The following KCTD1 variants were observed in gnomAD, a reference collection of about 807,000 sequenced individuals.
KCTD1 encodes the protein potassium channel tetramerization domain containing 1.
A neutral mutation model predicts 66.0 loss-of-function variants in KCTD1; 24 were observed. That is an observed-to-expected ratio of 0.36 (90% CI 0.26 to 0.51). KCTD1 has a LOEUF of 0.51. KCTD1 is among the 20% of genes least tolerant of loss of function. The pLI, the probability that KCTD1 is intolerant of heterozygous loss-of-function variation, is 0.95. For synonymous variants in KCTD1, 511 were observed against 517.2 expected (o/e 0.99, Z 0.16); for missense variants, 943 against 1,205.2 (o/e 0.78, Z 3.22).
intron 3 of KCTD1, among the ~76,000 whole-genome samples, chr18:26,475,702 A>G (rs748733976): frequency 5.3e-5 from 8 of 152,102 alleles, no homozygotes; most frequent in Non-Finnish European, 1.2e-4. Context: ...AATATGAAAA[A>G]TTAGCTAGGC....
chr18:26,461,360 A>T (rs535635845), intron 3 of KCTD1, among the ~76,000 whole-genome samples: 1 of 152,312 alleles, frequency 6.6e-6, no homozygotes, highest in East Asian at 1.9e-4. Context: ...CTGCTGCTTT[A>T]TTCTGTCCTT....
intron 2 of KCTD1, among the ~76,000 whole-genome samples, chr18:26,485,983 G>A (rs532784915): frequency 5.7e-4 from 82 of 142,708 alleles, no homozygotes; most frequent in African/African-American, 2.1e-3. Context: ...GCATGATCTC[G>A]GCTCACTGCA....
chr18:26,652,121 T>C lies in KCTD1; in HGVS notation c.9+5239A>G, dbSNP rs34470795. Among the ~76,000 whole-genome samples the C allele has an allele frequency of 4.5e-3, 682 of 152,280 alleles. 7 individuals are homozygous for C. Among genetic ancestry groups the C allele is most frequent in the African/African-American group, 0.016 (647 of 41,548 alleles). On this transcript the variant is annotated intron_variant, in intron 1 of 4. Transcript: ENST00000580191. ...GGGACTGAGACAGCAGGGGCCAGAC[T>C]TGGGGTGGCTCCTCCAGAGAAAGTG...
intron 1 of KCTD1, among the ~76,000 whole-genome samples, chr18:26,652,599 T>TA (rs1335829832): frequency 6.6e-6 from 1 of 152,258 alleles, no homozygotes; most frequent in Non-Finnish European, 1.5e-5. Flanking sequence ...AATTCCAACT[T>TA]AGTCAGACTT....
chr18:26,548,509 A>C lies in KCTD1; in HGVS notation c.28T>G (p.Cys10Gly), dbSNP rs1311227925. 3.2e-6 allele frequency: 4 copies of C among 1,239,650 alleles called. No individual in the cohort carries two copies. The Admixed American group carries it at 1.3e-4, about 40-fold the overall frequency. 76.8% of individuals were successfully genotyped at this position (1,239,650 alleles called of 1,614,324 possible). The change falls in exon 1 of 5, where the codon TGT becomes GGT. Residue 10 changes from cysteine (C) to glycine (G), a missense_variant. Physicochemically the swap from Cys to Gly is radical, Grantham distance 159. Around this residue, in one of 10 missense-constraint regions of KCTD1, gnomAD observed 236 missense variants for 206.6 expected, o/e 1.14. Coordinates refer to ENST00000580059, the MANE Select transcript of KCTD1 (RefSeq NM_001142730.3). Reference sequence around the variant, plus strand: ...GCGCTGCCGCCCGCGCTGGTGTTACAGTCCCCGCTGCCAGGCATTCTCGCC... The same window carrying C: ...GCGCTGCCGCCCGCGCTGGTGTTACCGTCCCCGCTGCCAGGCATTCTCGCC... MARMPGSGD[C>G]NTSAGGSASA...
intron 1 of KCTD1, among the ~76,000 whole-genome samples, chr18:26,594,283 T>A (rs1986716401): frequency 2.6e-5 from 4 of 152,222 alleles, no homozygotes; most frequent in Admixed American, 2.6e-4. Flanking sequence ...ATCACTTGTC[T>A]GCAAATGTAT....
intron 3 of KCTD1, among the ~76,000 whole-genome samples, chr18:26,460,590 C>T (rs1429163481): frequency 2.0e-5 from 3 of 152,148 alleles, no homozygotes; most frequent in Non-Finnish European, 2.9e-5. Flanking sequence ...GTGTACTGCC[C>T]TGTGCCACCT....
intron 3 of KCTD1, among the ~76,000 whole-genome samples, chr18:26,467,914 G>A (rs981137762): frequency 2.8e-4 from 42 of 152,198 alleles, no homozygotes; most frequent in African/African-American, 1.0e-3. Context: ...CAGCAAGTTT[G>A]TCTATGTCTA....
chr18:26,630,453 C>T (rs1357015911), upstream of KCTD1, among the ~76,000 whole-genome samples: 1 of 152,044 alleles, frequency 6.6e-6, no homozygotes, highest in Non-Finnish European at 1.5e-5. Flanking sequence ...GTAGCTAGGA[C>T]TATAGGCATG....
At chr18:26,485,640 T>C (rs1365265537) in intron 2 of KCTD1, among the ~76,000 whole-genome samples, 1 of 152,166 alleles carries the variant, frequency 6.6e-6, no homozygotes, top group African/African-American at 2.4e-5. Context: ...ATTTAGTATT[T>C]TTTTCAGCTA....
Position 26,547,921 on chromosome 18 carries a change from G to T in KCTD1, c.616C>A (p.Arg206Ser), listed in dbSNP as rs1023977609. The T allele has an allele frequency of 3.2e-6, 5 of 1,543,656 alleles. No homozygotes were observed. In the African/African-American group the frequency reaches 6.8e-5, roughly 21 times the overall value. ...TCGGCATAGAAGGAGCGCAGCACGCGGCACAGCGCCCCCTTGTCCATGGTC... is the reference window on the plus strand; with the variant it reads ...TCGGCATAGAAGGAGCGCAGCACGCTGCACAGCGCCCCCTTGTCCATGGTC... ...FETMDKGALC[R>S]VLRSFYAEAR... is the part of the protein sequence containing the mutation. Residue 206 changes from arginine to serine, a missense_variant, in exon 1 of 5, where the codon CGC (arginine) becomes AGC (serine). Transcript: ENST00000580059.
At chr18:26,609,665 A>G (rs1050920268) in intron 1 of KCTD1, among the ~76,000 whole-genome samples, 1 of 152,222 alleles carries the variant, frequency 6.6e-6, no homozygotes. Flanking sequence ...ATTGACTCCA[A>G]TGCTAAGACT....
chr18:26,462,678 C>T (rs942097097), intron 3 of KCTD1, among the ~76,000 whole-genome samples: 2 of 152,212 alleles, frequency 1.3e-5, no homozygotes, highest in African/African-American at 4.8e-5. Context: ...TCCTGTCTAA[C>T]ACCCGCCTAC....
At chr18:26,492,406 G>A (rs1414628016) in intron 2 of KCTD1, among the ~76,000 whole-genome samples, 1 of 151,924 alleles carries the variant, frequency 6.6e-6, no homozygotes, top group East Asian at 1.9e-4. Flanking sequence ...GGCTAAGGAG[G>A]GTGGATCACT....
intron 3 of KCTD1, 57 bp from the exon 4 acceptor site, chr18:26,459,982 G>T: frequency 7.8e-7 from 1 of 1,288,358 alleles, no homozygotes; most frequent in Non-Finnish European, 1.1e-6. Context: ...TACTAAACAT[G>T]TCCACATCTA....
chr18:26,489,123 G>A (rs2144643755), intron 2 of KCTD1, among the ~76,000 whole-genome samples: 1 of 152,286 alleles, frequency 6.6e-6, no homozygotes, highest in Non-Finnish European at 1.5e-5. Context: ...CAACGCAGCT[G>A]GCTGCTTTGG....
At chr18:26,509,937 G>A (rs775628024) in intron 1 of KCTD1, among the ~76,000 whole-genome samples, 5 of 152,192 alleles carry the variant, frequency 3.3e-5, no homozygotes, top group Admixed American at 6.5e-5. Flanking sequence ...CCTGACAGAG[G>A]GGCAAAGATG....
chr18:26,634,664 T>C (rs1987685705), intron 1 of KCTD1, among the ~76,000 whole-genome samples: 2 of 152,240 alleles, frequency 1.3e-5, no homozygotes, highest in African/African-American at 2.4e-5. Context: ...CTTGTAGATA[T>C]TTTAAATTTG....
upstream of KCTD1, chr18:26,549,770 G>C (rs1283044339): frequency 1.0e-6 from 1 of 985,392 alleles, no homozygotes; most frequent in East Asian, 1.1e-4. Flanking sequence ...TCCGGGCTGC[G>C]CTGCCTCAGG....
Sources: gnomAD v4.1 joint callset for allele counts (sites outside exome capture counted in the v4.1 genomes callset) on GRCh38, gnomAD v4.1.1 for gene constraint, gnomAD v4.1.1 regional missense constraint, MANE v1.5 for transcripts, NCBI Gene and HGNC (gene_info 2026-07-23, HGNC 2026-07-21) for gene names.